Variants in SCAPER observed in about 807,000 individuals in gnomAD.
SCAPER encodes S-phase cyclin A associated protein in the ER, also known as S phase cyclin A-associated protein in the endoplasmic reticulum.
A neutral mutation model predicts 182.2 loss-of-function variants in SCAPER; 98 were observed. That is an observed-to-expected ratio of 0.54 (90% CI 0.46 to 0.64). SCAPER has a LOEUF of 0.64. Ranked by LOEUF, SCAPER falls within the 30% of genes least tolerant of loss-of-function variation. SCAPER has a pLI of 0.00. For synonymous variants in SCAPER, 605 were observed against 564.6 expected, an observed-to-expected ratio of 1.07 and a Z score of -1.01; for missense variants, 1,432 against 1,690.0, an observed-to-expected ratio of 0.85 and a Z score of 2.68.
At chr15:76,816,927 C>T (rs1314843612) in intron 5 of SCAPER, among the ~76,000 whole-genome samples, 1 of 152,184 alleles carries the variant, frequency 6.6e-6, no homozygotes. Context: ...GCTGGGATTA[C>T]AGGCGTGAGC....
chr15:76,859,385 T>C (rs1048066709), intron 3 of SCAPER, among the ~76,000 whole-genome samples: 4 of 152,222 alleles, frequency 2.6e-5, no homozygotes, highest in Admixed American at 1.3e-4. Context: ...TCTTAGAATA[T>C]CCAGCAGAAA....
chr15:76,772,730 C>G (rs2063538502), intron 9 of SCAPER, among the ~76,000 whole-genome samples: 1 of 151,850 alleles, frequency 6.6e-6, no homozygotes, highest in Admixed American at 6.6e-5. Flanking sequence ...TTTTTAAAAA[C>G]CTTCCAATTT....
chr15:76,375,990 G>GA (rs1235183515), intron 29 of SCAPER, among the ~76,000 whole-genome samples, 172 bp downstream of exon 29: 1 of 151,980 alleles, frequency 6.6e-6, no homozygotes, highest in Non-Finnish European at 1.5e-5. Flanking sequence ...GTCTCCAAAA[G>GA]AAAAAAAATC....
rs2065677318 is a variant in SCAPER at position 76,800,305 on chromosome 15, C to T, written c.554G>A (p.Ser185Asn). Residue 185 changes from serine (S) to asparagine (N), a missense_variant, in exon 7 of 32, where the codon AGT becomes AAT. Ser to Asn is a conservative substitution (Grantham distance 46). Coordinates refer to ENST00000563290, the MANE Select transcript of SCAPER (RefSeq NM_020843.4). Reference protein sequence around the residue: ...KMSPGRHVIPSPSTDRINVTS... With the variant: ...KMSPGRHVIPNPSTDRINVTS... ...TACATTTATTCTATCTGTTGATGGA[C>T]TTGGAATCACATGGCGTCCCGGAGA... 6.2e-7 allele frequency: 1 copy of T among 1,613,466 alleles called. No homozygotes were observed. The highest frequency in any genetic ancestry group is 1.3e-5 in the African/African-American group (1 of 74,998).
intron 4 of SCAPER, among the ~76,000 whole-genome samples, chr15:76,847,179 T>C (rs144200769): frequency 2.8e-4 from 42 of 152,222 alleles, no homozygotes; most frequent in African/African-American, 9.1e-4. Flanking sequence ...GAATGATAGT[T>C]ACCAAAGTCT....
intron 1 of SCAPER, among the ~76,000 whole-genome samples, chr15:76,892,502 T>A (rs992618313): frequency 3.3e-5 from 5 of 152,082 alleles, no homozygotes; most frequent in Admixed American, 3.3e-4. Context: ...CAGCAAAAAG[T>A]GGGCGAAGGA....
intron 16 of SCAPER, among the ~76,000 whole-genome samples, chr15:76,730,897 A>C (rs1394243564): frequency 2.6e-5 from 4 of 152,078 alleles, no homozygotes; most frequent in African/African-American, 9.7e-5. Context: ...TATCAGACCA[A>C]CTCCAACATT....
At chr15:76,594,470 C>T (rs1294007583) in intron 22 of SCAPER, among the ~76,000 whole-genome samples, 2 of 121,064 alleles carry the variant, frequency 1.7e-5, no homozygotes, top group Admixed American at 1.9e-4. Context: ...TCAGGAATTA[C>T]AGAGAATGCC....
At chr15:76,697,583 TAA>T (rs759354067) in intron 20 of SCAPER, among the ~76,000 whole-genome samples, 45 of 152,332 alleles carry the variant, frequency 3.0e-4, no homozygotes, top group Middle Eastern at 3.4e-3. Context: ...GAAAAATTGT[TAA>T]GTTTTTTTTG....
intron 26 of SCAPER, among the ~76,000 whole-genome samples, chr15:76,424,848 A>G (rs996835898): frequency 6.6e-6 from 1 of 152,142 alleles, no homozygotes; most frequent in African/African-American, 2.4e-5. Flanking sequence ...GCTTGTCTGT[A>G]AAGGATTTTA....
chr15:76,461,808 T>C (rs1240386702), intron 25 of SCAPER, among the ~76,000 whole-genome samples: 1 of 152,214 alleles, frequency 6.6e-6, no homozygotes, highest in African/African-American at 2.4e-5. Flanking sequence ...CTGTGAATGC[T>C]ATGTCATGAA....
intron 23 of SCAPER, among the ~76,000 whole-genome samples, chr15:76,533,111 A>G (rs2144584835): frequency 6.6e-6 from 1 of 152,324 alleles, no homozygotes; most frequent in South Asian, 2.1e-4. Flanking sequence ...GTAAACTGGG[A>G]AAAGACTTCC....
chr15:76,457,355 G>A (rs949614811), intron 25 of SCAPER, among the ~76,000 whole-genome samples: 3 of 152,184 alleles, frequency 2.0e-5, no homozygotes, highest in African/African-American at 7.2e-5. Flanking sequence ...GAGCCACCAC[G>A]CACAGCTGGC....
intron 1 of SCAPER, among the ~76,000 whole-genome samples, chr15:76,893,760 AG>A (rs2074282202): frequency 6.6e-6 from 1 of 152,232 alleles, no homozygotes; most frequent in African/African-American, 2.4e-5. Context: ...AATAACAGGA[AG>A]AAAACTGGAA....
chr15:76,725,597 A>G, intron 17 of SCAPER, among the ~76,000 whole-genome samples: 1 of 152,122 alleles, frequency 6.6e-6, no homozygotes. Flanking sequence ...AAAACTTACT[A>G]CAAAACTACA....
At chr15:76,496,575 G>C (rs1302552354) in intron 24 of SCAPER, among the ~76,000 whole-genome samples, 1 of 152,104 alleles carries the variant, frequency 6.6e-6, no homozygotes, top group Non-Finnish European at 1.5e-5. Context: ...TTTACCTTAG[G>C]ACCTAGGGAT....
intron 5 of SCAPER, among the ~76,000 whole-genome samples, chr15:76,813,227 TA>T (rs746891532): frequency 0.027 from 474 of 17,250 alleles, no homozygotes; most frequent in Admixed American, 0.032. Context: ...ATCCTTTCAC[TA>T]AAAAAAAAAA....
chr15:76,630,748 G>T (rs925844877), intron 21 of SCAPER, among the ~76,000 whole-genome samples: 6 of 152,308 alleles, frequency 3.9e-5, no homozygotes, highest in South Asian at 2.1e-4. Flanking sequence ...GTGCAATGAA[G>T]CACCAAGAAG....
chr15:76,641,694 A>C (rs1321165921), intron 21 of SCAPER, among the ~76,000 whole-genome samples: 1 of 152,222 alleles, frequency 6.6e-6, no homozygotes, highest in East Asian at 1.9e-4. Flanking sequence ...GAACAAGAAA[A>C]GGAGGCACTG....
Sources: gnomAD v4.1 joint callset for allele counts (sites outside exome capture counted in the v4.1 genomes callset) on GRCh38, gnomAD v4.1.1 for gene constraint, MANE v1.5 for transcripts, NCBI Gene and HGNC (gene_info 2026-07-23, HGNC 2026-07-21) for gene names.